The following HDAC9 variants were observed in gnomAD, a reference collection of about 807,000 sequenced individuals.
HDAC9 encodes MEF-2 interacting transcription repressor (MITR) protein.
In HDAC9, 41 loss-of-function variants were observed where a neutral mutation model predicts 139.4. That is an observed-to-expected ratio of 0.29 (90% CI 0.23 to 0.38). HDAC9 has a LOEUF of 0.38. Among genes scored for constraint, HDAC9 ranks in the 10% least tolerant of loss-of-function variants. The pLI is 1.00. For synonymous variants in HDAC9, 517 were observed against 476.2 expected, an observed-to-expected ratio of 1.09 and a Z score of -1.12; for missense variants, 1,147 against 1,297.0, an observed-to-expected ratio of 0.88 and a Z score of 1.78.
intron 1 of HDAC9, among the ~76,000 whole-genome samples, chr7:18,339,241 T>C (rs976471811): frequency 3.3e-5 from 5 of 151,552 alleles, no homozygotes; most frequent in African/African-American, 1.2e-4. Context: ...TTCTCTATTG[T>C]TTTTCTACTT....
chr7:18,598,336 T>C (rs11982970), intron 6 of HDAC9, among the ~76,000 whole-genome samples: 3,591 of 152,310 alleles, frequency 0.024, 154 homozygotes, highest in African/African-American at 0.082. Flanking sequence ...TACATTGTTT[T>C]GACTAAACTT....
intron 2 of HDAC9, among the ~76,000 whole-genome samples, chr7:18,534,582 T>A (rs1253349371): frequency 6.6e-6 from 1 of 152,022 alleles, no homozygotes; most frequent in Admixed American, 6.6e-5. Context: ...AAAGAGAGAA[T>A]CCTTGCGTAC....
At chr7:18,704,957 G>A (rs1027405467) in intron 12 of HDAC9, among the ~76,000 whole-genome samples, 2 of 152,140 alleles carry the variant, frequency 1.3e-5, no homozygotes, top group South Asian at 4.1e-4. Flanking sequence ...CATCAGTACT[G>A]TCTAATGGAA....
intron 14 of HDAC9, among the ~76,000 whole-genome samples, chr7:18,754,664 C>CA (rs1186016877): frequency 2.0e-5 from 3 of 152,070 alleles, no homozygotes; most frequent in Non-Finnish European, 4.4e-5. Flanking sequence ...AGTGCCAACA[C>CA]AAAGTAATTA....
At chr7:18,440,187 T>C (rs978107051) in intron 1 of HDAC9, among the ~76,000 whole-genome samples, 2 of 151,522 alleles carry the variant, frequency 1.3e-5, no homozygotes, top group Non-Finnish European at 1.5e-5. Flanking sequence ...TCTTTTTTTT[T>C]TCTTTTTTTT....
chr7:18,323,809 C>T (rs975149618), intron 1 of HDAC9, among the ~76,000 whole-genome samples: 3 of 152,096 alleles, frequency 2.0e-5, no homozygotes, highest in Non-Finnish European at 2.9e-5. Context: ...ACAAAAACAC[C>T]ATAGACCACT....
intron 22 of HDAC9, among the ~76,000 whole-genome samples, chr7:18,910,205 T>C (rs940813971): frequency 5.3e-5 from 8 of 152,046 alleles, no homozygotes; most frequent in African/African-American, 1.2e-4. Context: ...TGGGATGTTT[T>C]TTACTTTCTG....
At chr7:18,520,214 GA>G (rs1162390106) in intron 2 of HDAC9, among the ~76,000 whole-genome samples, 4 of 152,012 alleles carry the variant, frequency 2.6e-5, no homozygotes, top group Non-Finnish European at 4.4e-5. Flanking sequence ...GAAACTTCGT[GA>G]TATACATCAA....
exon 1 of HDAC9, chr7:18,290,482 C>T (rs1257625895): frequency 4.4e-6 from 2 of 456,474 alleles, no homozygotes; most frequent in African/African-American, 4.0e-5. Context: ...AACCACAGCA[C>T]ACTTTGGCAA....
intron 2 of HDAC9, among the ~76,000 whole-genome samples, chr7:18,540,103 C>CAAAAAA (rs34620445): frequency 1.7e-5 from 1 of 58,424 alleles, no homozygotes; most frequent in Non-Finnish European, 3.5e-5. Context: ...ACTAAAAATA[C>CAAAAAA]AAAAAAAAAA....
chr7:18,941,098 C>T (rs190810767), intron 23 of HDAC9, among the ~76,000 whole-genome samples: 19 of 152,122 alleles, frequency 1.2e-4, no homozygotes, highest in African/African-American at 4.3e-4. Flanking sequence ...GAGCATATAG[C>T]ATGTTTTGAT....
chr7:18,292,247 GA>G (rs1797855514), intron 1 of HDAC9, among the ~76,000 whole-genome samples: 1 of 151,970 alleles, frequency 6.6e-6, no homozygotes, highest in Non-Finnish European at 1.5e-5. Flanking sequence ...TATAGAAAAG[GA>G]AACTAAGGTG....
intron 12 of HDAC9, among the ~76,000 whole-genome samples, chr7:18,676,345 C>T (rs546082987): frequency 8.4e-4 from 128 of 151,956 alleles, no homozygotes; most frequent in African/African-American, 3.1e-3. Context: ...AAACTTCCCC[C>T]CTCCCCCACC....
rs1329150500 is a variant in HDAC9 at position 18,109,149 on chromosome 7, A to G, written c.-97+21936A>G. On this transcript the variant is annotated intron_variant, in intron 1 of 12. Coordinates refer to the HDAC9 transcript ENST00000417496. ...TAATGGATAGGAATTATCCATGTGG[A>G]AACAGGGAATTTCTGAAGGAACAGT... Among the ~76,000 whole-genome samples the G allele has an allele frequency of 2.0e-5, 3 of 152,216 alleles. No individual in the cohort carries two copies. The East Asian group carries it at 5.8e-4, about 29-fold the overall frequency.
chr7:18,116,983 A>C (rs1004809022), intron 1 of HDAC9, among the ~76,000 whole-genome samples: 4 of 152,230 alleles, frequency 2.6e-5, no homozygotes, highest in Non-Finnish European at 4.4e-5. Context: ...ATCATTCTGA[A>C]TTGGTCCATT....
At chr7:18,391,941 A>G (rs1048328082) in intron 1 of HDAC9, among the ~76,000 whole-genome samples, 4 of 152,136 alleles carry the variant, frequency 2.6e-5, no homozygotes, top group Admixed American at 1.3e-4. Flanking sequence ...CACTTTGCCT[A>G]TCTCCTCCAT....
chr7:18,334,265 G>A (rs1172176402), intron 1 of HDAC9, among the ~76,000 whole-genome samples: 2 of 151,274 alleles, frequency 1.3e-5, no homozygotes, highest in Non-Finnish European at 3.0e-5. Flanking sequence ...ATAGGCAAAA[G>A]TGTAAGTATA....
At chr7:18,494,320 A>G (rs1367760527), upstream of HDAC9, among the ~76,000 whole-genome samples, 1 of 152,078 alleles carries the variant, frequency 6.6e-6, no homozygotes, top group Non-Finnish European at 1.5e-5. Context: ...CTTCCCTTTC[A>G]TCAAAACTCT....
intron 1 of HDAC9, among the ~76,000 whole-genome samples, chr7:18,339,793 T>C (rs943615570): frequency 3.3e-5 from 5 of 151,570 alleles, no homozygotes; most frequent in African/African-American, 1.2e-4. Flanking sequence ...TTGAGATGTG[T>C]TATTGCACAC....
Sources: gnomAD v4.1 joint callset for allele counts (sites outside exome capture counted in the v4.1 genomes callset) on GRCh38, gnomAD v4.1.1 for gene constraint, MANE v1.5 for transcripts, NCBI Gene and HGNC (gene_info 2026-07-23, HGNC 2026-07-21) for gene names.